SEPTIN9: variants seen among roughly 807,000 people sequenced by gnomAD.
SEPTIN9 encodes septin-9.
Under a neutral mutation model 56.6 loss-of-function variants are expected in SEPTIN9, and 13 were observed. That is an observed-to-expected ratio of 0.23 (90% CI 0.15 to 0.37). SEPTIN9 has a LOEUF of 0.37. Ranked by LOEUF, SEPTIN9 falls within the 10% of genes least tolerant of loss-of-function variation. The pLI, the probability that SEPTIN9 is intolerant of heterozygous loss-of-function variation, is 1.00. For missense variants in SEPTIN9, 650 were observed against 823.1 expected (o/e 0.79, Z 2.57); for synonymous variants, 332 against 334.1 (o/e 0.99, Z 0.07).
chr17:77,458,960 G>A (rs928969148), intron 3 of SEPTIN9, among the ~76,000 whole-genome samples: 7 of 152,210 alleles, frequency 4.6e-5, no homozygotes, highest in Admixed American at 6.5e-5. Context: ...ATGGCTTGGC[G>A]TCTGGAAGTG....
intron 2 of SEPTIN9, among the ~76,000 whole-genome samples, chr17:77,398,213 G>A (rs972768833): frequency 6.6e-6 from 1 of 150,616 alleles, no homozygotes. Flanking sequence ...GGGCTCAAGC[G>A]ATCTGTCCAC....
intron 3 of SEPTIN9, among the ~76,000 whole-genome samples, chr17:77,412,160 C>T (rs2036328619): frequency 6.6e-6 from 1 of 150,544 alleles, no homozygotes; most frequent in Admixed American, 6.6e-5. Context: ...AAAATTGATC[C>T]TTGTTCCTGA....
chr17:77,431,143 C>G (rs1201983470), intron 3 of SEPTIN9, among the ~76,000 whole-genome samples: 1 of 152,132 alleles, frequency 6.6e-6, no homozygotes, highest in African/African-American at 2.4e-5. Context: ...GCGTTCGAGA[C>G]CAGTCTGGGC....
rs574998115 is a variant in SEPTIN9 at position 77,365,172 on chromosome 17, A to G, written c.77-36887A>G. On this transcript the variant is annotated intron_variant, in intron 2 of 11. Transcript: ENST00000427177. Reference sequence around the variant, plus strand: ...AGCCGCCACCCACCCACACCGCTACATCTTCTTTCCACTTTTCTGTTCCGG... The same window carrying G: ...AGCCGCCACCCACCCACACCGCTACGTCTTCTTTCCACTTTTCTGTTCCGG... Among the ~76,000 whole-genome samples the G allele has an allele frequency of 2.6e-5, 4 of 152,094 alleles. No individual in the cohort carries two copies. In the South Asian group the frequency reaches 8.3e-4, roughly 32 times the overall value.
At chr17:77,439,133 A>T (rs1284537146) in intron 3 of SEPTIN9, among the ~76,000 whole-genome samples, 1 of 152,218 alleles carries the variant, frequency 6.6e-6, no homozygotes, top group Non-Finnish European at 1.5e-5. Flanking sequence ...TGACTGGCCC[A>T]GGGTCATGCA....
rs1384579637 is a variant in SEPTIN9 at position 77,400,041 on chromosome 17, C to T, written c.77-2018C>T. On this transcript the variant is annotated intron_variant, in intron 2 of 11. Transcript: ENST00000427177. This position sits in a 1 kb window ranked among gnomAD's most constrained non-coding sequence, Gnocchi z 4.1. The stretch of plus-strand genomic sequence containing the variant: ...GTCAGTCAGGCTGAGTGCAGTGACA[C>T]GATCTCAGCTCTGCAACCTCTGCCT... Among the ~76,000 whole-genome samples, 5 of 152,116 alleles carry T rather than the reference C, an allele frequency of 3.3e-5. No individual in the cohort carries two copies.
At chr17:77,443,512 G>T (rs1177021437) in intron 3 of SEPTIN9, among the ~76,000 whole-genome samples, 2 of 152,164 alleles carry the variant, frequency 1.3e-5, no homozygotes, top group Non-Finnish European at 1.5e-5. Flanking sequence ...GGCATGTTGG[G>T]CTGGGTGCAG....
At chr17:77,459,307 GC>G (rs1369815900) in intron 3 of SEPTIN9, among the ~76,000 whole-genome samples, 1 of 152,186 alleles carries the variant, frequency 6.6e-6, no homozygotes, top group Non-Finnish European at 1.5e-5. Context: ...CTGGGGCCTT[GC>G]CCTGGCACCA....
intron 2 of SEPTIN9, among the ~76,000 whole-genome samples, chr17:77,338,884 T>C (rs1399175721): frequency 6.6e-6 from 1 of 152,254 alleles, no homozygotes; most frequent in Non-Finnish European, 1.5e-5. Flanking sequence ...AATAAGTTGA[T>C]GTAATATTCT....
chr17:77,299,333 A>T (rs897268683), intron 1 of SEPTIN9, among the ~76,000 whole-genome samples: 6 of 152,216 alleles, frequency 3.9e-5, no homozygotes, highest in African/African-American at 1.4e-4. Flanking sequence ...ATTCAGTTTG[A>T]ATTTCAGATA....
rs1421546970 is a variant in SEPTIN9 at position 77,319,727 on chromosome 17, C to T, written c.76+12530C>T. The T allele has an allele frequency of 9.3e-7, 1 of 1,070,198 alleles. No individual in the cohort carries two copies. The highest frequency in any genetic ancestry group is 5.0e-5 in the East Asian group (1 of 20,176). The allele number at this position is 1,070,198 out of a possible 1,614,324, so 66.3% of individuals were successfully genotyped here. A position where few individuals can be genotyped will look rare whatever the true frequency, so the allele number is the denominator to read the frequency against. On this transcript the variant is annotated intron_variant, in intron 2 of 11. Transcript: ENST00000427177. This position sits in a 1 kb window ranked among gnomAD's most constrained non-coding sequence, Gnocchi z 5.3. The stretch of plus-strand genomic sequence containing the variant: ...CACGCAGGAACTGGGCTTTTTAAAC[C>T]CTTAAGCCCAAGGAAATCGTAGCAT...
At position 77,488,218 on chromosome 17, in the gene SEPTIN9, C is replaced by T. The variant is rs569050332; in HGVS notation, c.1043-22C>T. 1.9e-5 allele frequency: 31 copies of T among 1,612,436 alleles called. 1 individual carries two copies. Among genetic ancestry groups the T allele is most frequent in the South Asian group, 1.9e-4 (17 of 91,050 alleles). On this transcript the variant is annotated intron_variant, in intron 5 of 11. Coordinates refer to ENST00000427177, the MANE Select transcript of SEPTIN9 (RefSeq NM_001113491.2). ...AGGGTCTTCCGTCTCCCCTCTGACT[C>T]TGCGTCCGTGGCTCTGTGCAGATAT...
intron 3 of SEPTIN9, among the ~76,000 whole-genome samples, chr17:77,448,103 A>T (rs1380895579): frequency 6.6e-6 from 1 of 152,196 alleles, no homozygotes; most frequent in Non-Finnish European, 1.5e-5. Flanking sequence ...GCCGAGAATG[A>T]TCTGGGAGGT....
chr17:77,403,127 T>G (rs2035958604), intron 3 of SEPTIN9, among the ~76,000 whole-genome samples: 1 of 152,112 alleles, frequency 6.6e-6, no homozygotes, highest in East Asian at 1.9e-4. Context: ...TGTCACATTC[T>G]GGTGGCTCCT....
chr17:77,313,539 G>A lies in SEPTIN9; in HGVS notation c.76+6342G>A, dbSNP rs541133327. ...GCAGCTGGCCTCAGCCTGGGAATCC[G>A]TCTTGCTTGGGAGGCTGTAGGCGGG... is the stretch of plus-strand genomic sequence containing the variant. On this transcript the variant is annotated intron_variant, in intron 2 of 11. Coordinates refer to ENST00000427177, the MANE Select transcript of SEPTIN9 (RefSeq NM_001113491.2). This position sits in a 1 kb window ranked among gnomAD's most constrained non-coding sequence, Gnocchi z 4.5. 4.6e-5 allele frequency among the ~76,000 whole-genome samples: 7 copies of A among 152,254 alleles called. No individual in the cohort carries two copies. The highest frequency in any genetic ancestry group is 8.8e-5 in the Non-Finnish European group (6 of 68,008).
rs1598181736 is a variant in SEPTIN9, at chr17:77,316,217, T to C, written c.76+9020T>C. On this transcript the variant is annotated intron_variant, in intron 2 of 11. Coordinates refer to ENST00000427177, the MANE Select transcript of SEPTIN9 (RefSeq NM_001113491.2). The stretch of plus-strand genomic sequence containing the variant: ...GCACTGGCCTGGTGAAGTGCCCCCT[T>C]AGTGCTTACACCATGCGCGGTGAGA... Among the ~76,000 whole-genome samples, 17 of 152,268 alleles carry C rather than the reference T, an allele frequency of 1.1e-4. 1 individual carries two copies. In the South Asian group the frequency reaches 3.5e-3, roughly 32 times the overall value.
At position 77,327,330 on chromosome 17, in the gene SEPTIN9, C is replaced by A. The variant is rs1387683422; in HGVS notation, c.76+20133C>A. 1.3e-5 allele frequency among the ~76,000 whole-genome samples: 2 copies of A among 150,522 alleles called. No individual in the cohort carries two copies. The highest frequency in any genetic ancestry group is 6.6e-5 in the Admixed American group (1 of 15,246). On this transcript the variant is annotated intron_variant, in intron 2 of 11. Transcript: ENST00000427177. This position sits in a 1 kb window ranked among gnomAD's most constrained non-coding sequence, Gnocchi z 5.0. ...CCTGGCCCGTCTCTTGCTCTGGGCA[C>A]CCCCCCACTCCGAACGGCCAGAGCT...
intron 3 of SEPTIN9, among the ~76,000 whole-genome samples, chr17:77,420,559 C>G (rs555117744): frequency 4.7e-4 from 71 of 152,286 alleles, no homozygotes; most frequent in African/African-American, 1.6e-3. Flanking sequence ...CCAGAGGAGT[C>G]TTTCTCAGTG....
intron 3 of SEPTIN9, among the ~76,000 whole-genome samples, chr17:77,413,094 G>A (rs1395105955): frequency 7.4e-6 from 1 of 135,822 alleles, no homozygotes; most frequent in South Asian, 2.1e-4. Flanking sequence ...GGGCGTGTGT[G>A]TGTGTGTGTG....
Sources: gnomAD v4.1 joint callset for allele counts (sites outside exome capture counted in the v4.1 genomes callset) on GRCh38, gnomAD v4.1.1 for gene constraint, Gnocchi (gnomAD v3.1) non-coding constraint, MANE v1.5 for transcripts, NCBI Gene and HGNC (gene_info 2026-07-23, HGNC 2026-07-21) for gene names.